The following TIAM1 variants were observed in gnomAD, a reference collection of about 807,000 sequenced individuals.
TIAM1 encodes the protein TIAM Rac1 associated GEF 1, also known as rho guanine nucleotide exchange factor TIAM1.
TIAM1 carries 65 observed loss-of-function variants against 163.5 expected under a neutral mutation model. That is an observed-to-expected ratio of 0.40 (90% confidence interval 0.33 to 0.49). The LOEUF (loss-of-function observed/expected upper bound fraction) is 0.49, where lower values mean the gene tolerates loss of function less well. TIAM1 is among the 20% of genes least tolerant of loss of function. The pLI, the probability that TIAM1 is intolerant of heterozygous loss-of-function variation, is 0.77. For synonymous variants in TIAM1, 833 were observed against 810.1 expected (o/e 1.03, Z -0.48); for missense variants, 1,789 against 2,044.7 (o/e 0.87, Z 2.41).
In TIAM1 at chr21:31,210,585, A is replaced by AGAAG. The variant is rs2086693824; in HGVS notation, c.2218-371_2218-370insCTTC. Reference sequence around the variant, plus strand: ...AAGAAAGAAAGAAAGAAAGAAAGAAAGAAAGAAAGAGAGAAAGAAGGAAGG... The same window carrying AGAAG: ...AAGAAAGAAAGAAAGAAAGAAAGAAAGAAGGAAAGAAAGAGAGAAAGAAGGAAGG... On this transcript the variant is annotated intron_variant, in intron 10 of 27. Transcript: ENST00000541036. 1.7e-5 allele frequency among the ~76,000 whole-genome samples: 2 copies of AGAAG among 121,000 alleles called. 1 individual carries two copies. Among genetic ancestry groups the AGAAG allele is most frequent in the African/African-American group, 8.6e-5 (2 of 23,302 alleles). The allele number at this position is 121,000 out of a possible 152,430, so 79.4% of individuals were successfully genotyped here.
At chr21:31,549,924 G>A (rs1056355237) in intron 1 of TIAM1, among the ~76,000 whole-genome samples, 22 of 152,142 alleles carry the variant, frequency 1.4e-4, no homozygotes, top group Non-Finnish European at 2.9e-4. Flanking sequence ...AGGAGTTCGA[G>A]ACCAGCCTGG....
chr21:31,488,627 C>T (rs891397965), intron 1 of TIAM1, among the ~76,000 whole-genome samples: 8 of 152,222 alleles, frequency 5.3e-5, no homozygotes, highest in African/African-American at 1.4e-4. Flanking sequence ...TACATGGTGA[C>T]GGGCAAAAGA....
chr21:31,175,457 T>C (rs1193393517), intron 15 of TIAM1, among the ~76,000 whole-genome samples: 3 of 152,254 alleles, frequency 2.0e-5, no homozygotes, highest in Non-Finnish European at 4.4e-5. Context: ...CTATGATTCT[T>C]ATAATTTGCA....
intron 27 of TIAM1, among the ~76,000 whole-genome samples, chr21:31,121,969 T>G (rs912500382): frequency 1.3e-5 from 2 of 152,142 alleles, no homozygotes; most frequent in African/African-American, 4.8e-5. Context: ...TGGGAGCTGC[T>G]TTCCTGAAAC....
intron 17 of TIAM1, among the ~76,000 whole-genome samples, 191 bp from the exon 18 acceptor site, chr21:31,153,325 T>A (rs940511684): frequency 6.6e-6 from 1 of 152,188 alleles, no homozygotes; most frequent in Non-Finnish European, 1.5e-5. Flanking sequence ...GCCAACCTTT[T>A]CTGTCAATAT....
chr21:31,184,683 A>T (rs1040070774), intron 14 of TIAM1, among the ~76,000 whole-genome samples: 5 of 152,170 alleles, frequency 3.3e-5, no homozygotes, highest in Admixed American at 2.6e-4. Context: ...AAAGAGATAA[A>T]AATCAGTCTT....
intron 1 of TIAM1, among the ~76,000 whole-genome samples, chr21:31,484,090 G>A (rs1047206623): frequency 1.9e-4 from 29 of 152,250 alleles, no homozygotes; most frequent in Middle Eastern, 3.4e-3. Context: ...GTGAGGACAC[G>A]GCAAAAGTTG....
intron 10 of TIAM1, among the ~76,000 whole-genome samples, chr21:31,210,420 C>T (rs1435505978): frequency 6.6e-6 from 1 of 150,902 alleles, no homozygotes; most frequent in African/African-American, 2.4e-5. Context: ...TTTCAAACTT[C>T]AGCTGTGAGG....
intron 2 of TIAM1, among the ~76,000 whole-genome samples, chr21:31,415,748 G>A (rs1474837229): frequency 2.0e-5 from 3 of 152,102 alleles, no homozygotes; most frequent in East Asian, 1.9e-4. Flanking sequence ...TACTGGTCAG[G>A]GAAGATAATT....
At position 31,332,794 on chromosome 21, in the gene TIAM1, C is replaced by CA. The variant is rs563454311; in HGVS notation, c.-189+6448dup. Among the ~76,000 whole-genome samples, 354 of 130,734 alleles carry CA rather than the reference C, an allele frequency of 2.7e-3. 1 individual carries two copies. The highest frequency in any genetic ancestry group is 6.4e-3 in the East Asian group (29 of 4,540). 85.8% of individuals were successfully genotyped at this position (130,734 alleles called of 152,430 possible). ...ATTAAAATCACCCTCCAATGATCTA[C>CA]AAAAAAAAAAAAAGTCTGTTGGTTA... On this transcript the variant is annotated intron_variant, in intron 2 of 27. Coordinates refer to ENST00000541036, the MANE Select transcript of TIAM1 (RefSeq NM_001353694.2).
intron 15 of TIAM1, among the ~76,000 whole-genome samples, chr21:31,171,192 G>T (rs1378590478): frequency 6.6e-6 from 1 of 152,052 alleles, no homozygotes; most frequent in Non-Finnish European, 1.5e-5. Flanking sequence ...ACATAACATT[G>T]GAACCTAACT....
intron 1 of TIAM1, among the ~76,000 whole-genome samples, chr21:31,555,186 C>CT (rs545553753): frequency 0.24 from 31,370 of 132,576 alleles, 3,765 homozygotes; most frequent in African/African-American, 0.35. Flanking sequence ...AGAATTTGTT[C>CT]TTTTTTTTTT....
chr21:31,149,282 T>G (rs975661195), intron 19 of TIAM1, among the ~76,000 whole-genome samples: 2 of 152,198 alleles, frequency 1.3e-5, no homozygotes, highest in Non-Finnish European at 2.9e-5. Flanking sequence ...TACTTCAGAT[T>G]TCATATTTTT....
intron 26 of TIAM1, among the ~76,000 whole-genome samples, chr21:31,125,363 T>C (rs931885930): frequency 3.3e-5 from 5 of 152,116 alleles, no homozygotes; most frequent in Admixed American, 2.0e-4. Flanking sequence ...CTAAACCCCA[T>C]GGACCTTACC....
In TIAM1 at chr21:31,225,933, C is replaced by T. The variant is rs772731077; in HGVS notation, c.1602G>A (p.Glu534=). Residue 534 remains glutamate, a synonymous_variant, in exon 7 of 28, where the codon GAG becomes GAA. Transcript: ENST00000541036. ...GGATGGCGGTGATCCAGTTTTCAAG[C>T]TCCGTCTGGCTAGTGGTCTGTACCA... The part of the protein sequence containing the change: ...AFLFQTTSQT[E]LENWITAIHS... 6 of 1,614,130 alleles carry T rather than the reference C, an allele frequency of 3.7e-6. No homozygotes were observed. The highest frequency in any genetic ancestry group is 5.1e-6 in the Non-Finnish European group (6 of 1,180,012).
intron 2 of TIAM1, among the ~76,000 whole-genome samples, chr21:31,323,095 C>CT (rs2075369699): frequency 2.0e-5 from 3 of 151,390 alleles, no homozygotes; most frequent in African/African-American, 7.3e-5. Context: ...CGAGACCATC[C>CT]TGGCCAACAT....
intron 15 of TIAM1, among the ~76,000 whole-genome samples, chr21:31,175,323 G>A (rs1315137253): frequency 1.3e-5 from 2 of 152,198 alleles, no homozygotes; most frequent in Non-Finnish European, 2.9e-5. Flanking sequence ...AACTGGTCAA[G>A]TGGAATTCTA....
chr21:31,182,983 C>T (rs550889776), intron 14 of TIAM1, among the ~76,000 whole-genome samples: 8 of 152,236 alleles, frequency 5.3e-5, no homozygotes, highest in South Asian at 4.1e-4. Context: ...GCGGGGCGAG[C>T]GGGGAATGGC....
intron 16 of TIAM1, 123 bp from the exon 17 acceptor site, chr21:31,154,549 G>C: frequency 2.0e-6 from 2 of 995,122 alleles, no homozygotes; most frequent in East Asian, 2.5e-5. Context: ...ATGTCGTCTT[G>C]TGTTTCCACA....
Sources: allele counts gnomAD v4.1 joint callset (sites outside exome capture counted in the v4.1 genomes callset), GRCh38; gene constraint gnomAD v4.1.1; transcripts MANE v1.5; gene names NCBI Gene and HGNC (gene_info 2026-07-23, HGNC 2026-07-21).